MCC: variants seen among roughly 807,000 people sequenced by gnomAD.
MCC encodes colorectal mutant cancer protein.
A neutral mutation model predicts 116.2 loss-of-function variants in MCC; 90 were observed. The observed-to-expected ratio is 0.77, with a 90% CI of 0.65 to 0.92. The LOEUF is 0.92. MCC is among the 40% of genes least tolerant of loss of function. The probability of loss-of-function intolerance (pLI) is 0.00; values close to 1 mark genes in which losing one functional copy is unlikely to be tolerated. For synonymous variants in MCC, 578 were observed against 510.5 expected (o/e 1.13, Z -1.78); for missense variants, 1,516 against 1,312.2 (o/e 1.16, Z -2.40).
intron 14 of MCC, among the ~76,000 whole-genome samples, chr5:113,062,087 G>A (rs1036432740): frequency 1.3e-5 from 2 of 152,200 alleles, no homozygotes; most frequent in Admixed American, 1.3e-4. Flanking sequence ...ATTTGGGCGG[G>A]AGGGTAAAAG....
intron 1 of MCC, among the ~76,000 whole-genome samples, chr5:113,463,111 G>A (rs1771790860): frequency 6.6e-6 from 1 of 152,198 alleles, no homozygotes; most frequent in East Asian, 1.9e-4. Flanking sequence ...GAGCTAGATA[G>A]GGAGTGAGAG....
intron 8 of MCC, among the ~76,000 whole-genome samples, chr5:113,085,839 A>C (rs932052995): frequency 3.9e-5 from 6 of 152,212 alleles, no homozygotes; most frequent in Admixed American, 3.9e-4. Context: ...CTAGGTGCAC[A>C]CACCACACCT....
Position 113,122,678 on chromosome 5 carries a change from A to G in MCC, c.1027+6T>C, listed in dbSNP as rs1305268085. On this transcript the variant is annotated splice_donor_region_variant and intron_variant, in intron 6 of 18. Transcript: ENST00000408903. ...CTGGCTTGGTGGCAAGGGCAGGCAG[A>G]CTCACCCATGTCAGCAGTAACCATG... 10 of 1,613,788 alleles carry G rather than the reference A, an allele frequency of 6.2e-6. No homozygotes were observed. The African/African-American group carries it at 1.2e-4, about 19-fold the overall frequency.
intron 1 of MCC, among the ~76,000 whole-genome samples, chr5:113,447,418 A>G (rs1226269688): frequency 6.6e-6 from 1 of 152,190 alleles, no homozygotes; most frequent in East Asian, 1.9e-4. Flanking sequence ...AATATGCTGC[A>G]AATAATTTAT....
At chr5:113,475,396 T>C (rs1221420361) in intron 1 of MCC, among the ~76,000 whole-genome samples, 1 of 152,226 alleles carries the variant, frequency 6.6e-6, no homozygotes, top group African/African-American at 2.4e-5. Context: ...CTTTATTAGG[T>C]GACAGGGATC....
intron 2 of MCC, among the ~76,000 whole-genome samples, chr5:113,383,729 G>A (rs1769180863): frequency 1.3e-5 from 2 of 152,006 alleles, no homozygotes; most frequent in Non-Finnish European, 2.9e-5. Flanking sequence ...TACATATTAT[G>A]TTAAGAGCAC....
rs755761719 is a variant in MCC at position 113,029,031 on chromosome 5, G to C, written c.2782C>G (p.Gln928Glu). The C allele has an allele frequency of 6.2e-7, 1 of 1,613,194 alleles. No individual in the cohort carries two copies. The highest frequency in any genetic ancestry group is 8.5e-7 in the Non-Finnish European group (1 of 1,179,556). ...RREKKLKARV[Q>E]ELVSALERLT... ...CTCTCCAAGGCACTCACCAGCTCTTGAACTCTGGCCTTCAACTTCTTTTCT... is the reference window on the plus strand; with the variant it reads ...CTCTCCAAGGCACTCACCAGCTCTTCAACTCTGGCCTTCAACTTCTTTTCT... The change falls in exon 18 of 19, where the codon CAA becomes GAA. Residue 928 changes from glutamine to glutamate, a missense_variant. Coordinates refer to ENST00000408903, the MANE Select transcript of MCC (RefSeq NM_001085377.2).
At chr5:113,227,357 G>A (rs1238881321) in intron 3 of MCC, among the ~76,000 whole-genome samples, 2 of 152,190 alleles carry the variant, frequency 1.3e-5, no homozygotes, top group African/African-American at 2.4e-5. Flanking sequence ...ATAATCTGGT[G>A]TTAGGCACTA....
intron 6 of MCC, among the ~76,000 whole-genome samples, chr5:113,109,521 CG>C (rs1448087139): frequency 1.3e-5 from 2 of 151,924 alleles, no homozygotes; most frequent in African/African-American, 4.8e-5. Context: ...TATTGCTTAA[CG>C]GGTACAGAGT....
intron 16 of MCC, 200 bp downstream of exon 16, chr5:113,048,893 G>A (rs1347549825): frequency 3.3e-6 from 2 of 600,054 alleles, no homozygotes; most frequent in African/African-American, 3.7e-5. Context: ...TACATAAAGT[G>A]AGATTTGGTA....
intron 1 of MCC, chr5:113,433,832 G>A (rs1046308311): frequency 1.2e-6 from 2 of 1,614,016 alleles, no homozygotes; most frequent in Non-Finnish European, 1.7e-6. Context: ...CCGACTGCCT[G>A]GACATTTGCA....
chr5:113,049,921 ACTT>A (rs1752373738), intron 15 of MCC, among the ~76,000 whole-genome samples: 1 of 152,194 alleles, frequency 6.6e-6, no homozygotes, highest in Non-Finnish European at 1.5e-5. Flanking sequence ...TCATCAGACA[ACTT>A]CTAAAAGTAT....
At chr5:113,117,008 T>C (rs1036525111) in intron 6 of MCC, among the ~76,000 whole-genome samples, 18 of 152,248 alleles carry the variant, frequency 1.2e-4, no homozygotes, top group African/African-American at 4.3e-4. Flanking sequence ...AGTACAACTT[T>C]CAGTCCGGTC....
chr5:113,416,044 T>C (rs10055294), intron 1 of MCC, among the ~76,000 whole-genome samples: 4,952 of 152,238 alleles, frequency 0.033, 285 homozygotes, highest in African/African-American at 0.11. Flanking sequence ...TGCAGGTCTG[T>C]TGGTGTTTGC....
intron 3 of MCC, among the ~76,000 whole-genome samples, chr5:113,268,561 G>A (rs1054464679): frequency 6.6e-6 from 1 of 152,284 alleles, no homozygotes; most frequent in East Asian, 1.9e-4. Context: ...GTAGCTAGAT[G>A]ATACGACATC....
At chr5:113,465,572 C>T (rs1448799617) in intron 1 of MCC, among the ~76,000 whole-genome samples, 2 of 151,960 alleles carry the variant, frequency 1.3e-5, no homozygotes, top group African/African-American at 4.8e-5. Flanking sequence ...AAAGGTATTA[C>T]AAAATTTAAA....
chr5:113,033,575 C>T (rs1002871006), intron 17 of MCC, among the ~76,000 whole-genome samples: 6 of 152,192 alleles, frequency 3.9e-5, no homozygotes, highest in South Asian at 4.1e-4. Context: ...AACAAGCTTT[C>T]TTGGCTTCAC....
chr5:113,307,131 C>G (rs1767005148), intron 3 of MCC, among the ~76,000 whole-genome samples: 1 of 152,146 alleles, frequency 6.6e-6, no homozygotes, highest in African/African-American at 2.4e-5. Context: ...TGCTTGGGCT[C>G]TTCTGAGTCC....
rs1770800258 is a variant in MCC at position 113,434,855 on chromosome 5, C to CA, written c.171-49644dup. ...CGTCATCCATGGTGCCAGGAATGCC[C>CA]AGTGCCTCTGAGGCTGCCCTCTACA... On this transcript the variant is annotated intron_variant, in intron 1 of 18. Coordinates refer to ENST00000408903, the MANE Select transcript of MCC (RefSeq NM_001085377.2). The surrounding 1 kb of genome is among the most constrained non-coding windows in gnomAD (Gnocchi z 4.2). 1 of 1,597,286 alleles carries CA rather than the reference C, an allele frequency of 6.3e-7. No homozygotes were observed. Among genetic ancestry groups the CA allele is most frequent in the Non-Finnish European group, 8.5e-7 (1 of 1,169,892 alleles).
Sources: allele counts gnomAD v4.1 joint callset (sites outside exome capture counted in the v4.1 genomes callset), GRCh38; gene constraint gnomAD v4.1.1; non-coding constraint Gnocchi (gnomAD v3.1); transcripts MANE v1.5; gene names NCBI Gene and HGNC (gene_info 2026-07-23, HGNC 2026-07-21).